COX8A: variants seen among roughly 807,000 people sequenced by gnomAD.
COX8A encodes the protein cytochrome c oxidase subunit 8A.
COX8A carries 6 observed loss-of-function variants against 4.4 expected under a neutral mutation model. That is an observed-to-expected ratio of 1.36 (90% confidence interval 0.74 to 2.68). The LOEUF (loss-of-function observed/expected upper bound fraction) is 2.68. COX8A is among the 30% of genes most tolerant of loss of function. The pLI, the probability that COX8A is intolerant of heterozygous loss-of-function variation, is 0.00. For synonymous variants in COX8A, 53 were observed against 47.1 expected (o/e 1.12, Z -0.51); for missense variants, 72 against 89.6 (o/e 0.80, Z 0.79).
At position 63,976,488 on chromosome 11, in the gene COX8A, CACTG is replaced by C. The variant is rs1488925581; in HGVS notation, c.*171_*174del. 118 of 623,444 alleles carry C rather than the reference CACTG, an allele frequency of 1.9e-4. No individual in the cohort carries two copies. The East Asian group carries it at 3.1e-3, about 17-fold the overall frequency. 38.6% of individuals were successfully genotyped at this position (623,444 alleles called of 1,614,324 possible). ...TCTCCATGGTGACCTCCTTGGGGGT[CACTG>C]ACCCTGCTTGGTGGGGTCCCCCTTG... On this transcript the variant is annotated 3_prime_UTR_variant, in exon 2 of 2. Coordinates refer to ENST00000314133, the MANE Select transcript of COX8A (RefSeq NM_004074.3).
At chr11:63,975,557 A>G (rs1942532782) in intron 1 of COX8A, among the ~76,000 whole-genome samples, 1 of 151,280 alleles carries the variant, frequency 6.6e-6, no homozygotes, top group South Asian at 2.1e-4. Context: ...GTCTTAACAT[A>G]CAGGCTTTGC....
At chr11:63,976,180 G>T in intron 1 of COX8A, 45 bp from the exon 2 acceptor site, 1 of 1,562,686 alleles carries the variant, frequency 6.4e-7, no homozygotes, top group South Asian at 1.1e-5. Flanking sequence ...GAGAGCCTAG[G>T]GGAATACTGA....
Position 63,976,428 on chromosome 11 carries a change from C to G in COX8A, c.*108C>G, listed in dbSNP as rs1942541682. 2.1e-6 allele frequency: 2 copies of G among 972,358 alleles called. No individual in the cohort carries two copies. Among genetic ancestry groups the G allele is most frequent in the African/African-American group, 3.2e-5 (2 of 62,520 alleles). 60.2% of individuals were successfully genotyped at this position (972,358 alleles called of 1,614,324 possible). On this transcript the variant is annotated 3_prime_UTR_variant, in exon 2 of 2. Transcript: ENST00000314133. ...CTCCCCTGGATCATGTCATTCAATTCCAGTCACCTCTTCTGCAATCATGAC... is the reference window on the plus strand; with the variant it reads ...CTCCCCTGGATCATGTCATTCAATTGCAGTCACCTCTTCTGCAATCATGAC...
chr11:63,975,956 C>T (rs1024909894), intron 1 of COX8A, among the ~76,000 whole-genome samples: 2 of 152,190 alleles, frequency 1.3e-5, no homozygotes, highest in Non-Finnish European at 2.9e-5. Flanking sequence ...GCATTTCTCC[C>T]TGAACCCTAA....
chr11:63,975,371 G>T (rs1942530323), intron 1 of COX8A, among the ~76,000 whole-genome samples: 1 of 151,900 alleles, frequency 6.6e-6, no homozygotes, highest in Non-Finnish European at 1.5e-5. Context: ...TAGAGACGGG[G>T]TTTCACCATG....
rs11231664 is a variant in COX8A, at chr11:63,975,081, T to G, written c.114+287T>G. ...CTGCGCCGCCTCCTGCCGACTTCTT[T>G]AGCCGCTCTGAGCCCATTTTCTCGT... On this transcript the variant is annotated intron_variant, in intron 1 of 1. Coordinates refer to ENST00000314133, the MANE Select transcript of COX8A (RefSeq NM_004074.3). Among the ~76,000 whole-genome samples the G allele has an allele frequency of 0.28, 42,656 of 152,100 alleles. 7,618 individuals are homozygous for G. The highest frequency in any genetic ancestry group is 0.4 in the Non-Finnish European group (27,012 of 67,940).
rs1170875848 is a variant in COX8A, at chr11:63,974,663, G to A, written c.-18G>A. ...TGGGCTACGGCTGACCGTTTTTTGT[G>A]GTGTACTCCGTGCCATCATGTCCGT... is the stretch of plus-strand genomic sequence containing the variant. On this transcript the variant is annotated 5_prime_UTR_variant, in exon 1 of 2. Transcript: ENST00000314133. The A allele has an allele frequency of 6.3e-7, 1 of 1,591,218 alleles. No individual in the cohort carries two copies. The highest frequency in any genetic ancestry group is 8.6e-7 in the Non-Finnish European group (1 of 1,167,756).
chr11:63,975,111 T>C (rs1044078852), intron 1 of COX8A, among the ~76,000 whole-genome samples: 8 of 152,204 alleles, frequency 5.3e-5, no homozygotes, highest in African/African-American at 2.4e-5. Context: ...TCTCGTTGGT[T>C]CACTGGGGGA....
intron 1 of COX8A, among the ~76,000 whole-genome samples, chr11:63,975,872 G>A (rs1362262771): frequency 6.6e-6 from 1 of 152,190 alleles, no homozygotes; most frequent in Non-Finnish European, 1.5e-5. Context: ...GAGCCACCAT[G>A]CCCGGCCCAG....
Position 63,974,752 on chromosome 11 carries a change from C to T in COX8A, c.72C>T (p.Ala24=). The T allele has an allele frequency of 2.5e-6, 4 of 1,608,770 alleles. No individual in the cohort carries two copies. The highest frequency in any genetic ancestry group is 1.3e-5 in the African/African-American group (1 of 75,000). The change falls in exon 1 of 2, where the codon GCC becomes GCT. Residue 24 remains alanine (A), a synonymous_variant. Transcript: ENST00000314133. The part of the protein sequence containing the change: ...GSARRLPVPR[A]KIHSLPPEGK... ...CCCGGCGGCTCCCAGTGCCGCGCGCCAAGATCCATTCGTTGCCGCCGGAGG... is the reference window on the plus strand; with the variant it reads ...CCCGGCGGCTCCCAGTGCCGCGCGCTAAGATCCATTCGTTGCCGCCGGAGG...
Position 63,976,365 on chromosome 11 carries a change from C to T in COX8A, c.*45C>T, listed in dbSNP as rs752647407. The T allele has an allele frequency of 3.2e-6, 5 of 1,558,992 alleles. No individual in the cohort carries two copies. Among genetic ancestry groups the T allele is most frequent in the Middle Eastern group, 1.8e-4 (1 of 5,564 alleles). Reference sequence around the variant, plus strand: ...CACACTGTGACCTGACCAGCCCCACCGGCCCATCCTGGTCATGTTACTGCA... The same window carrying T: ...CACACTGTGACCTGACCAGCCCCACTGGCCCATCCTGGTCATGTTACTGCA... On this transcript the variant is annotated 3_prime_UTR_variant, in exon 2 of 2. Transcript: ENST00000314133.
rs749102794 is a variant in COX8A, at chr11:63,974,678, A to G, written c.-3A>G. The G allele has an allele frequency of 4.4e-6, 7 of 1,604,046 alleles. No individual in the cohort carries two copies. In the East Asian group the frequency reaches 1.3e-4, roughly 31 times the overall value. On this transcript the variant is annotated 5_prime_UTR_variant, in exon 1 of 2. Transcript: ENST00000314133. ...CGTTTTTTGTGGTGTACTCCGTGCC[A>G]TCATGTCCGTCCTGACGCCGCTGCT...
In COX8A at chr11:63,976,481, T is replaced by A; in HGVS notation, c.*161T>A. The A allele has an allele frequency of 1.6e-6, 1 of 639,790 alleles. No individual in the cohort carries two copies. The highest frequency in any genetic ancestry group is 2.7e-6 in the Non-Finnish European group (1 of 363,884). The allele number at this position is 639,790 out of a possible 1,614,324, so 39.6% of individuals were successfully genotyped here. On this transcript the variant is annotated 3_prime_UTR_variant, in exon 2 of 2. Transcript: ENST00000314133. ...CTTGATGTCTCCATGGTGACCTCCT[T>A]GGGGGTCACTGACCCTGCTTGGTGG...
intron 1 of COX8A, among the ~76,000 whole-genome samples, chr11:63,975,238 G>C (rs1196843622): frequency 6.6e-6 from 1 of 152,168 alleles, no homozygotes. Flanking sequence ...GAGTGCAGTG[G>C]CGCGATCTCG....
chr11:63,974,732 C>T lies in COX8A; in HGVS notation c.52C>T (p.Arg18Trp). 1.2e-6 allele frequency: 2 copies of T among 1,607,574 alleles called. No individual in the cohort carries two copies. Among genetic ancestry groups the T allele is most frequent in the South Asian group, 1.1e-5 (1 of 90,116 alleles). The change falls in exon 1 of 2, where the codon CGG becomes TGG. Residue 18 changes from arginine to tryptophan, a missense_variant. Coordinates refer to ENST00000314133, the MANE Select transcript of COX8A (RefSeq NM_004074.3). Reference protein sequence around the residue: ...LLRGLTGSARRLPVPRAKIHS... With the variant: ...LLRGLTGSARWLPVPRAKIHS... ...GCGGGGCTTGACAGGCTCGGCCCGG[C>T]GGCTCCCAGTGCCGCGCGCCAAGAT...
Position 63,976,242 on chromosome 11 carries a change from T to A in COX8A, c.132T>A (p.Leu44=). 2 of 1,614,176 alleles carry A rather than the reference T, an allele frequency of 1.2e-6. No individual in the cohort carries two copies. The highest frequency in any genetic ancestry group is 1.7e-5 in the Admixed American group (1 of 60,022). ...CTGTGTAGGAATTGGCCGTTGGGCT[T>A]ACCTCCTGCTTCGTGACCTTCCTCC... ...KLGIMELAVG[L]TSCFVTFLLP... The change falls in exon 2 of 2, where the codon CTT becomes CTA. Residue 44 remains leucine, a synonymous_variant. Coordinates refer to ENST00000314133, the MANE Select transcript of COX8A (RefSeq NM_004074.3).
chr11:63,975,527 G>A (rs751634938), intron 1 of COX8A, among the ~76,000 whole-genome samples: 5 of 151,792 alleles, frequency 3.3e-5, no homozygotes, highest in Non-Finnish European at 7.4e-5. Context: ...TGGAGTTACT[G>A]GCCCATGCAA....
At chr11:63,974,907 G>C in intron 1 of COX8A, 113 bp downstream of exon 1, 1 of 1,013,836 alleles carries the variant, frequency 9.9e-7, no homozygotes. Context: ...GCGGGGAGCA[G>C]CAGTGCCGGT....
chr11:63,976,228 T>C lies in COX8A; in HGVS notation c.118T>C (p.Leu40=), dbSNP rs1942539204. 1 of 1,614,128 alleles carries C rather than the reference T, an allele frequency of 6.2e-7. No homozygotes were observed. The part of the protein sequence containing the change: ...PPEGKLGIME[L]AVGLTSCFVT... ...TTCTTTCTTGTGCTCTGTGTAGGAATTGGCCGTTGGGCTTACCTCCTGCTT... is the reference window on the plus strand; with the variant it reads ...TTCTTTCTTGTGCTCTGTGTAGGAACTGGCCGTTGGGCTTACCTCCTGCTT... The change falls in exon 2 of 2, where the codon TTG becomes CTG. Residue 40 remains leucine (L), a synonymous_variant. Transcript: ENST00000314133.
Sources: gnomAD v4.1 joint callset for allele counts (sites outside exome capture counted in the v4.1 genomes callset) on GRCh38, gnomAD v4.1.1 for gene constraint, MANE v1.5 for transcripts, NCBI Gene and HGNC (gene_info 2026-07-23, HGNC 2026-07-21) for gene names.